Variants in KIAA0825 observed in about 807,000 individuals in gnomAD.
KIAA0825 encodes uncharacterized protein KIAA0825.
Under a neutral mutation model 147.6 loss-of-function variants are expected in KIAA0825, and 119 were observed. The ratio of observed to expected loss-of-function variants is 0.81; its 90% CI spans 0.69 to 0.94. The LOEUF (loss-of-function observed/expected upper bound fraction) is 0.94, where lower values mean the gene tolerates loss of function less well. Ranked by LOEUF, KIAA0825 falls within the 40% of genes least tolerant of loss-of-function variation. KIAA0825 has a pLI of 0.00. For missense variants in KIAA0825, 1,381 were observed against 1,472.7 expected (o/e 0.94, Z 1.02); for synonymous variants, 470 against 518.1 (o/e 0.91, Z 1.26).
intron 20 of KIAA0825, among the ~76,000 whole-genome samples, chr5:94,169,902 C>T (rs973969111): frequency 1.3e-5 from 2 of 152,124 alleles, no homozygotes; most frequent in African/African-American, 4.8e-5. Context: ...ATTATTGCTA[C>T]AGACCAGGAA....
At chr5:94,318,001 AC>A (rs1478692271) in intron 20 of KIAA0825, among the ~76,000 whole-genome samples, 1 of 151,702 alleles carries the variant, frequency 6.6e-6, no homozygotes, top group African/African-American at 2.4e-5. Flanking sequence ...ACTTAAAAAA[AC>A]AAATGCCCAA....
At chr5:94,471,295 C>G (rs1389252820) in intron 9 of KIAA0825, among the ~76,000 whole-genome samples, 171 bp downstream of exon 9, 2 of 151,972 alleles carry the variant, frequency 1.3e-5, no homozygotes, top group African/African-American at 4.8e-5. Context: ...TTAATATATC[C>G]CATGCTCCAC....
At chr5:94,599,331 G>GTT (rs57220290) in intron 1 of KIAA0825, among the ~76,000 whole-genome samples, 6,676 of 98,112 alleles carry the variant, frequency 0.068, 353 homozygotes, top group African/African-American at 0.084. Context: ...GATTATTTGG[G>GTT]TTTTTTTTTT....
chr5:94,413,155 T>C (rs1752988627), intron 15 of KIAA0825: 1 of 152,056 alleles, frequency 6.6e-6, no homozygotes, highest in African/African-American at 2.4e-5. Context: ...TTCTCCATGT[T>C]GGTCAAGCTG....
intron 20 of KIAA0825, among the ~76,000 whole-genome samples, chr5:94,172,422 G>T (rs1247402949): frequency 6.6e-6 from 1 of 152,240 alleles, no homozygotes; most frequent in Non-Finnish European, 1.5e-5. Context: ...ACTGCAGAGA[G>T]ATCTCATAGA....
chr5:94,571,980 T>C (rs1780053844), intron 2 of KIAA0825, among the ~76,000 whole-genome samples: 1 of 152,084 alleles, frequency 6.6e-6, no homozygotes, highest in Non-Finnish European at 1.5e-5. Context: ...TTCCAGCTAC[T>C]ATGAGACTGA....
At chr5:94,369,816 G>C (rs895860861) in intron 20 of KIAA0825, among the ~76,000 whole-genome samples, 2 of 152,154 alleles carry the variant, frequency 1.3e-5, no homozygotes, top group Admixed American at 6.5e-5. Flanking sequence ...GGAGAGGATA[G>C]GGGAAAAAGA....
chr5:94,485,609 A>C (rs1562546796), intron 5 of KIAA0825, among the ~76,000 whole-genome samples: 1 of 151,678 alleles, frequency 6.6e-6, no homozygotes, highest in Non-Finnish European at 1.5e-5. Flanking sequence ...CAGTTCAAGA[A>C]AAAATAAAAT....
At chr5:94,532,972 TTC>T (rs1283106198) in intron 3 of KIAA0825, among the ~76,000 whole-genome samples, 5 of 151,232 alleles carry the variant, frequency 3.3e-5, no homozygotes, top group East Asian at 1.9e-4. Flanking sequence ...GGAAAAATCA[TTC>T]TGTGTCTTTT....
rs1445745515 is a variant in KIAA0825 at position 94,471,588 on chromosome 5, C to T, written c.1599G>A (p.Glu533=). ...CTTTGGAAGGAACCTCCTTGGCTCT[C>T]TCTTGCAGTCTCTGCAGGACAGCTG... ...VATAVLQRLQ[E]RAKEVPSKAP... Residue 533 remains glutamate (E), a synonymous_variant, in exon 9 of 21, where the codon GAG becomes GAA. Coordinates refer to ENST00000682413, the MANE Select transcript of KIAA0825 (RefSeq NM_001145678.3). 4 of 1,551,910 alleles carry T rather than the reference C, an allele frequency of 2.6e-6. No individual in the cohort carries two copies. Among genetic ancestry groups the T allele is most frequent in the African/African-American group, 2.7e-5 (2 of 73,174 alleles).
intron 12 of KIAA0825, among the ~76,000 whole-genome samples, chr5:94,460,997 G>A (rs982009585): frequency 5.3e-5 from 8 of 151,928 alleles, no homozygotes; most frequent in African/African-American, 1.7e-4. Context: ...AAAATGTTCT[G>A]TAATCCTGAT....
intron 8 of KIAA0825, among the ~76,000 whole-genome samples, chr5:94,472,483 C>T (rs776637333): frequency 1.3e-5 from 2 of 152,176 alleles, no homozygotes; most frequent in African/African-American, 4.8e-5. Flanking sequence ...CGGTGGCTCA[C>T]GCCTGTAATC....
At chr5:94,558,800 T>C (rs1777032753) in intron 2 of KIAA0825, among the ~76,000 whole-genome samples, 1 of 152,212 alleles carries the variant, frequency 6.6e-6, no homozygotes, top group African/African-American at 2.4e-5. Flanking sequence ...TCCACTGAAG[T>C]AGGTCATAAG....
chr5:94,606,817 C>G (rs1787577478), intron 1 of KIAA0825, among the ~76,000 whole-genome samples: 1 of 152,138 alleles, frequency 6.6e-6, no homozygotes, highest in African/African-American at 2.4e-5. Flanking sequence ...AGCACAGTGC[C>G]AGCATCTGCT....
intron 20 of KIAA0825, among the ~76,000 whole-genome samples, chr5:94,372,170 C>A (rs533388836): frequency 6.6e-6 from 1 of 152,238 alleles, no homozygotes; most frequent in African/African-American, 2.4e-5. Context: ...ATATAGCCCC[C>A]CTCCTGGCTG....
At chr5:94,594,573 G>A (rs1303975495) in intron 1 of KIAA0825, 8 of 724,566 alleles carry the variant, frequency 1.1e-5, no homozygotes, top group African/African-American at 1.8e-5. Context: ...GCCACCAGGA[G>A]CTGAAAGGAT....
chr5:94,314,895 T>C (rs1235221089), intron 20 of KIAA0825, among the ~76,000 whole-genome samples: 1 of 151,600 alleles, frequency 6.6e-6, no homozygotes, highest in African/African-American at 2.4e-5. Context: ...TGTTCTTACA[T>C]TAATTGAGCT....
intron 20 of KIAA0825, among the ~76,000 whole-genome samples, chr5:94,369,191 A>G (rs1230377311): frequency 2.6e-5 from 4 of 152,082 alleles, no homozygotes; most frequent in African/African-American, 7.2e-5. Flanking sequence ...TATTAAGGGG[A>G]AAAAAATCCA....
intron 20 of KIAA0825, among the ~76,000 whole-genome samples, chr5:94,221,190 G>A (rs1773641354): frequency 6.6e-6 from 1 of 152,254 alleles, no homozygotes; most frequent in South Asian, 2.1e-4. Context: ...GTGGTCTCAG[G>A]GGTAGAGCCT....
Sources: gnomAD v4.1 joint callset for allele counts (sites outside exome capture counted in the v4.1 genomes callset) on GRCh38, gnomAD v4.1.1 for gene constraint, MANE v1.5 for transcripts, NCBI Gene and HGNC (gene_info 2026-07-23, HGNC 2026-07-21) for gene names.